The following TAFA1 variants were observed in gnomAD, a reference collection of about 807,000 sequenced individuals.
TAFA1 encodes chemokine-like protein TAFA-1.
TAFA1 carries 4 observed loss-of-function variants against 18.5 expected under a neutral mutation model. The ratio of observed to expected loss-of-function variants is 0.22; its 90% confidence interval spans 0.11 to 0.49. The LOEUF (loss-of-function observed/expected upper bound fraction) is 0.49, where lower values mean the gene tolerates loss of function less well. TAFA1 is among the 20% of genes least tolerant of loss of function. The pLI, the probability that TAFA1 is intolerant of heterozygous loss-of-function variation, is 0.98. For synonymous variants in TAFA1, 56 were observed against 55.2 expected, an observed-to-expected ratio of 1.01 and a Z score of -0.06; for missense variants, 147 against 169.0, an observed-to-expected ratio of 0.87 and a Z score of 0.72.
At chr3:68,439,415 A>ATATATATATATATATATATG (rs2071329496) in intron 3 of TAFA1, among the ~76,000 whole-genome samples, 1 of 46,748 alleles carries the variant, frequency 2.1e-5, no homozygotes, top group Non-Finnish European at 5.5e-5. Context: ...ATACATACAT[A>ATATATATATATATATATATG]TATATATATA....
At chr3:68,142,182 T>C (rs1440026232) in intron 2 of TAFA1, among the ~76,000 whole-genome samples, 1 of 152,192 alleles carries the variant, frequency 6.6e-6, no homozygotes, top group African/African-American at 2.4e-5. Flanking sequence ...TAATAACTAA[T>C]GAAAAAAATT....
At chr3:68,342,352 A>C (rs1013700326) in intron 2 of TAFA1, among the ~76,000 whole-genome samples, 12 of 152,180 alleles carry the variant, frequency 7.9e-5, no homozygotes, top group Non-Finnish European at 1.3e-4. Context: ...TCCTGCTTAG[A>C]ACTGATGAGC....
At chr3:68,441,987 T>C (rs1422543080) in intron 3 of TAFA1, among the ~76,000 whole-genome samples, 1 of 152,164 alleles carries the variant, frequency 6.6e-6, no homozygotes, top group Non-Finnish European at 1.5e-5. Context: ...TATATACTGA[T>C]ACATGGGCTG....
chr3:68,172,396 T>C (rs889499132), intron 2 of TAFA1, among the ~76,000 whole-genome samples: 2 of 152,128 alleles, frequency 1.3e-5, no homozygotes, highest in Non-Finnish European at 1.5e-5. Flanking sequence ...GTGACAACTG[T>C]TGATAAGGAT....
chr3:68,340,896 T>C lies in TAFA1; in HGVS notation c.119-76384T>C, dbSNP rs966566004. Among the ~76,000 whole-genome samples, 5 of 152,308 alleles carry C rather than the reference T, an allele frequency of 3.3e-5. No homozygotes were observed. In the East Asian group the frequency reaches 9.7e-4, roughly 29 times the overall value. ...GGCAAAATTGAAGGGCAAATTGAGA[T>C]CTGTGCTATGAATTCAGATAAAAGA... On this transcript the variant is annotated intron_variant, in intron 2 of 4. Coordinates refer to ENST00000478136, the MANE Select transcript of TAFA1 (RefSeq NM_213609.4).
intron 2 of TAFA1, among the ~76,000 whole-genome samples, chr3:68,103,808 C>A (rs1364050069): frequency 6.6e-6 from 1 of 152,140 alleles, no homozygotes; most frequent in Non-Finnish European, 1.5e-5. Flanking sequence ...ACCTTCAGTT[C>A]TCATTGAACC....
intron 3 of TAFA1, among the ~76,000 whole-genome samples, chr3:68,447,636 A>G (rs1034381857): frequency 4.6e-5 from 7 of 152,206 alleles, no homozygotes; most frequent in Non-Finnish European, 7.3e-5. Flanking sequence ...ATTTTAAAAA[A>G]TATACATTTG....
At chr3:68,479,502 T>C (rs1353219393) in intron 3 of TAFA1, among the ~76,000 whole-genome samples, 2 of 152,096 alleles carry the variant, frequency 1.3e-5, no homozygotes, top group East Asian at 3.9e-4. Flanking sequence ...GAGTTTACAT[T>C]ATAGGCATCT....
chr3:67,992,089 A>G, the TAFA1 span, among the ~76,000 whole-genome samples: 1 of 152,172 alleles, frequency 6.6e-6, no homozygotes, highest in Non-Finnish European at 1.5e-5. Flanking sequence ...GATGTGTTTC[A>G]CTAGTGGACA....
intron 2 of TAFA1, among the ~76,000 whole-genome samples, chr3:68,174,265 G>A (rs908524783): frequency 2.6e-5 from 4 of 152,158 alleles, no homozygotes; most frequent in African/African-American, 9.7e-5. Flanking sequence ...AAATTGATAT[G>A]GTTTTGCTGT....
chr3:68,368,389 C>A (rs2069612694), intron 2 of TAFA1, among the ~76,000 whole-genome samples: 2 of 152,158 alleles, frequency 1.3e-5, no homozygotes, highest in Admixed American at 1.3e-4. Flanking sequence ...GGAGGTTTCA[C>A]CTTTGGGGCC....
At chr3:68,343,555 G>A (rs1208510855) in intron 2 of TAFA1, among the ~76,000 whole-genome samples, 2 of 152,094 alleles carry the variant, frequency 1.3e-5, no homozygotes, top group Non-Finnish European at 2.9e-5. Flanking sequence ...AGGTACCCAT[G>A]GATACTACAG....
intron 2 of TAFA1, among the ~76,000 whole-genome samples, chr3:68,017,808 G>A (rs924133583): frequency 3.3e-5 from 5 of 152,156 alleles, no homozygotes; most frequent in Non-Finnish European, 5.9e-5. Flanking sequence ...CTCTAACTCT[G>A]TGTCTAAGAT....
intron 2 of TAFA1, among the ~76,000 whole-genome samples, chr3:68,056,125 T>A (rs942625284): frequency 7.2e-5 from 11 of 152,234 alleles, no homozygotes; most frequent in African/African-American, 2.7e-4. Flanking sequence ...CTCTTCCAGC[T>A]GTGCCCCATC....
chr3:68,357,226 G>C (rs1014535458), intron 2 of TAFA1, among the ~76,000 whole-genome samples: 4 of 151,926 alleles, frequency 2.6e-5, no homozygotes, highest in African/African-American at 9.7e-5. Flanking sequence ...TCAGAAAACA[G>C]ATTGACAAGA....
intron 2 of TAFA1, among the ~76,000 whole-genome samples, chr3:68,188,168 A>G (rs2107005222): frequency 6.6e-6 from 1 of 151,974 alleles, no homozygotes; most frequent in African/African-American, 2.4e-5. Flanking sequence ...TTTAATTTTA[A>G]TGTAATTAAA....
At chr3:68,106,032 T>A (rs1343632127) in intron 2 of TAFA1, among the ~76,000 whole-genome samples, 1 of 152,118 alleles carries the variant, frequency 6.6e-6, no homozygotes, top group Non-Finnish European at 1.5e-5. Context: ...CAGGTATGCT[T>A]GTTTAAAAGA....
chr3:68,356,022 C>T (rs2069356004), intron 2 of TAFA1, among the ~76,000 whole-genome samples: 1 of 151,910 alleles, frequency 6.6e-6, no homozygotes, highest in Admixed American at 6.6e-5. Flanking sequence ...TCCTCAAATA[C>T]AGTAGCTACA....
chr3:68,023,191 T>C (rs115563916), intron 2 of TAFA1, among the ~76,000 whole-genome samples: 2,728 of 152,124 alleles, frequency 0.018, 39 homozygotes, highest in Non-Finnish European at 0.025. Context: ...TAAATGTATG[T>C]CAGGATATGC....
Sources: allele counts gnomAD v4.1 joint callset (sites outside exome capture counted in the v4.1 genomes callset), GRCh38; gene constraint gnomAD v4.1.1; transcripts MANE v1.5; gene names NCBI Gene and HGNC (gene_info 2026-07-23, HGNC 2026-07-21).